SPRR2G: variants seen among roughly 807,000 people sequenced by gnomAD.
SPRR2G encodes small proline-rich protein 2G.
Under a neutral mutation model 0.7 loss-of-function variants are expected in SPRR2G, and 1 was observed. That is an observed-to-expected ratio of 1.49 (90% CI 0.53 to 7.06). The LOEUF is 7.06. SPRR2G is among the 30% of genes most tolerant of loss of function. The pLI is 0.14. For missense variants in SPRR2G, 96 were observed against 88.5 expected, an observed-to-expected ratio of 1.09 and a Z score of -0.34; for synonymous variants, 38 against 33.9, an observed-to-expected ratio of 1.12 and a Z score of -0.42.
chr1:153,155,011 A>T (rs1656553264), upstream of SPRR2G, among the ~76,000 whole-genome samples: 1 of 152,064 alleles, frequency 6.6e-6, no homozygotes, highest in Admixed American at 6.6e-5. Flanking sequence ...TCCACTTAAT[A>T]TTCTCCTACT....
chr1:153,156,073 G>A, the SPRR2G span, among the ~76,000 whole-genome samples: 2 of 152,130 alleles, frequency 1.3e-5, no homozygotes, highest in African/African-American at 2.4e-5. Flanking sequence ...AACAGAGTAC[G>A]TGCTAGATAA....
chr1:153,156,231 C>T, the SPRR2G span, among the ~76,000 whole-genome samples: 1 of 152,162 alleles, frequency 6.6e-6, no homozygotes. Context: ...CTGAATTACT[C>T]TGTGATTTCA....
chr1:153,173,376 T>C, the SPRR2G span, among the ~76,000 whole-genome samples: 1 of 151,938 alleles, frequency 6.6e-6, no homozygotes, highest in African/African-American at 2.4e-5. Flanking sequence ...GGGAAATAAA[T>C]ATGGAGGTTG....
upstream of SPRR2G, among the ~76,000 whole-genome samples, chr1:153,154,619 G>T (rs1013944181): frequency 6.6e-6 from 1 of 151,906 alleles, no homozygotes; most frequent in African/African-American, 2.4e-5. Context: ...ATTTCTTCTA[G>T]GTTATCCAAT....
chr1:153,183,264 T>G, the SPRR2G span, among the ~76,000 whole-genome samples: 1 of 149,958 alleles, frequency 6.7e-6, no homozygotes, highest in Non-Finnish European at 1.5e-5. Context: ...ATTTTGTATT[T>G]TCAGTAGAAA....
At chr1:153,183,912 G>A in the SPRR2G span, among the ~76,000 whole-genome samples, 1 of 152,152 alleles carries the variant, frequency 6.6e-6, no homozygotes, top group Non-Finnish European at 1.5e-5. Context: ...TGTAAGGAAG[G>A]GATCCAGTTT....
chr1:153,158,662 G>A, the SPRR2G span, among the ~76,000 whole-genome samples: 3 of 152,202 alleles, frequency 2.0e-5, no homozygotes, highest in Non-Finnish European at 4.4e-5. Context: ...CACTGTGTGG[G>A]GGCTCCAACC....
chr1:153,195,707 C>T, the SPRR2G span, among the ~76,000 whole-genome samples: 1 of 152,204 alleles, frequency 6.6e-6, no homozygotes. Flanking sequence ...TTTATCACCT[C>T]CTCTCCTAAG....
the SPRR2G span, among the ~76,000 whole-genome samples, chr1:153,170,034 TTTAG>T: frequency 6.6e-6 from 1 of 152,208 alleles, no homozygotes; most frequent in Non-Finnish European, 1.5e-5. Context: ...AATTAATTTA[TTTAG>T]ACATGATTTT....
chr1:153,172,700 T>G, the SPRR2G span, among the ~76,000 whole-genome samples: 2 of 152,182 alleles, frequency 1.3e-5, no homozygotes, highest in Non-Finnish European at 2.9e-5. Flanking sequence ...AACCCTTTTG[T>G]TTTCCAAAAG....
the SPRR2G span, among the ~76,000 whole-genome samples, chr1:153,193,730 G>C: frequency 6.6e-6 from 1 of 152,122 alleles, no homozygotes; most frequent in South Asian, 2.1e-4. Context: ...CATTCTGCTT[G>C]TCTCCTCTCA....
the SPRR2G span, among the ~76,000 whole-genome samples, chr1:153,179,146 T>G: frequency 0.2 from 30,586 of 152,138 alleles, 5,149 homozygotes; most frequent in African/African-American, 0.46. Flanking sequence ...TCCACACATA[T>G]AATTTCTTCA....
At position 153,150,018 on chromosome 1, in the gene SPRR2G, C is replaced by T. The variant is rs1291387600; in HGVS notation, c.93G>A (p.Lys31=). The T allele has an allele frequency of 6.2e-7, 1 of 1,613,686 alleles. No individual in the cohort carries two copies. The highest frequency in any genetic ancestry group is 2.2e-5 in the East Asian group (1 of 44,884). The part of the protein sequence containing the change: ...PKCPEPCPPP[K]CPEPYLPPPC... ...GAGGAGGCAGGTAAGGCTCAGGGCACTTCGGGGGTGGACATGGCTCTGGGC... is the reference window on the plus strand; with the variant it reads ...GAGGAGGCAGGTAAGGCTCAGGGCATTTCGGGGGTGGACATGGCTCTGGGC... Residue 31 remains lysine (K), a synonymous_variant, in exon 2 of 2, where the codon AAG becomes AAA. Coordinates refer to ENST00000368748, the MANE Select transcript of SPRR2G (RefSeq NM_001014291.4).
the SPRR2G span, among the ~76,000 whole-genome samples, chr1:153,180,861 G>A: frequency 6.6e-6 from 1 of 152,140 alleles, no homozygotes; most frequent in African/African-American, 2.4e-5. Flanking sequence ...TTTCTCTTAT[G>A]AATGGTGAGA....
chr1:153,186,241 A>G, the SPRR2G span, among the ~76,000 whole-genome samples: 2 of 152,204 alleles, frequency 1.3e-5, no homozygotes, highest in Non-Finnish European at 1.5e-5. Context: ...TGCTTGGTCC[A>G]GACCTGAGTT....
chr1:153,172,455 C>T, the SPRR2G span, among the ~76,000 whole-genome samples: 1 of 152,034 alleles, frequency 6.6e-6, no homozygotes, highest in African/African-American at 2.4e-5. Flanking sequence ...CTCAAGAGTC[C>T]TGCCCCCAAT....
the SPRR2G span, among the ~76,000 whole-genome samples, chr1:153,174,079 A>G: frequency 6.6e-6 from 1 of 152,228 alleles, no homozygotes; most frequent in Non-Finnish European, 1.5e-5. Flanking sequence ...TTTCTCTTAT[A>G]TGTTGACAAA....
At chr1:153,164,734 C>T in the SPRR2G span, among the ~76,000 whole-genome samples, 1 of 152,288 alleles carries the variant, frequency 6.6e-6, no homozygotes, top group East Asian at 1.9e-4. Flanking sequence ...GAACTCTGCA[C>T]ACTGCAAATT....
At chr1:153,187,607 T>C in the SPRR2G span, among the ~76,000 whole-genome samples, 5 of 152,090 alleles carry the variant, frequency 3.3e-5, no homozygotes, top group Non-Finnish European at 7.4e-5. Context: ...CCTGTAGCCT[T>C]TTATCAAGGT....
Sources: allele counts gnomAD v4.1 joint callset (sites outside exome capture counted in the v4.1 genomes callset), GRCh38; gene constraint gnomAD v4.1.1; transcripts MANE v1.5; gene names NCBI Gene and HGNC (gene_info 2026-07-23, HGNC 2026-07-21).